Variants in FHL5 observed in about 807,000 individuals in gnomAD.
FHL5 encodes the protein four and a half LIM domains 5, also known as four and a half LIM domains protein 5.
Under a neutral mutation model 32.0 loss-of-function variants are expected in FHL5, and 33 were observed. The observed-to-expected ratio is 1.03, with a 90% CI of 0.78 to 1.38. The LOEUF (loss-of-function observed/expected upper bound fraction) is 1.38, where lower values mean the gene tolerates loss of function less well. Among genes scored for constraint, FHL5 ranks in the 40% most tolerant of loss-of-function variants. The probability of loss-of-function intolerance (pLI) is 0.00; values close to 1 mark genes in which losing one functional copy is unlikely to be tolerated. For synonymous variants in FHL5, 114 were observed against 113.6 expected (o/e 1.00, Z -0.02); for missense variants, 336 against 343.9 (o/e 0.98, Z 0.18).
chr6:96,578,850 AT>A (rs1382901485), intron 1 of FHL5, among the ~76,000 whole-genome samples: 2 of 152,178 alleles, frequency 1.3e-5, no homozygotes, highest in East Asian at 1.9e-4. Context: ...TCAAAAAAAA[AT>A]AAATAAATAA....
intron 5 of FHL5, among the ~76,000 whole-genome samples, chr6:96,613,124 A>C (rs1055660232): frequency 7.9e-5 from 12 of 152,182 alleles, no homozygotes; most frequent in African/African-American, 2.2e-4. Context: ...CACACACACA[A>C]AAAAGCATAT....
intron 1 of FHL5, among the ~76,000 whole-genome samples, chr6:96,570,751 C>CT (rs1770458431): frequency 1.3e-5 from 2 of 151,906 alleles, no homozygotes; most frequent in Admixed American, 6.6e-5. Flanking sequence ...TTCAGAGATT[C>CT]TTTTTTCTGC....
At chr6:96,569,533 C>T (rs926421879) in intron 1 of FHL5, among the ~76,000 whole-genome samples, 17 of 151,932 alleles carry the variant, frequency 1.1e-4, no homozygotes, top group Non-Finnish European at 2.4e-4. Context: ...GTGTTGAAGT[C>T]CCCAGCTATA....
intron 1 of FHL5, among the ~76,000 whole-genome samples, chr6:96,594,227 TTATATATATA>T (rs1178680000): frequency 0.016 from 1,046 of 66,816 alleles, 10 homozygotes; most frequent in Middle Eastern, 0.048. Flanking sequence ...ATATTAGAAT[TTATATATATA>T]TATATATATA....
At position 96,616,891 on chromosome 6, in the gene FHL5, T is replaced by C. The variant is rs1771532684; in HGVS notation, c.*1119T>C. ...AGCAGCACAATAGAGTAATGTGGGC[T>C]GTAGGCGAGCCCTCCCCACTCTTCC... On this transcript the variant is annotated 3_prime_UTR_variant, in exon 6 of 6. Coordinates refer to ENST00000450218, the MANE Select transcript of FHL5 (RefSeq NM_001322466.2). 6.7e-6 allele frequency among the ~76,000 whole-genome samples: 1 copy of C among 150,204 alleles called. No individual in the cohort carries two copies. The highest frequency in any genetic ancestry group is 2.5e-5 in the African/African-American group (1 of 40,314).
intron 1 of FHL5, among the ~76,000 whole-genome samples, chr6:96,579,365 A>AAATTT (rs2127962233): frequency 6.6e-6 from 1 of 152,298 alleles, no homozygotes; most frequent in South Asian, 2.1e-4. Flanking sequence ...TATATACAAC[A>AAATTT]AATTTAATAA....
At chr6:96,580,526 G>A (rs1385817355) in intron 1 of FHL5, among the ~76,000 whole-genome samples, 2 of 152,062 alleles carry the variant, frequency 1.3e-5, no homozygotes, top group South Asian at 2.1e-4. Flanking sequence ...AATTGAAAAA[G>A]GTTTAAGCCA....
chr6:96,571,835 A>G (rs2127959322), intron 1 of FHL5, among the ~76,000 whole-genome samples: 1 of 152,178 alleles, frequency 6.6e-6, no homozygotes, highest in South Asian at 2.1e-4. Context: ...ACTGGGTAGT[A>G]GTGATTGTAG....
At chr6:96,606,600 C>T (rs1771286771) in intron 4 of FHL5, among the ~76,000 whole-genome samples, 1 of 152,142 alleles carries the variant, frequency 6.6e-6, no homozygotes, top group Admixed American at 6.5e-5. Flanking sequence ...GATCCACCTG[C>T]CTTGGCCTTC....
At chr6:96,579,501 C>A (rs976509809) in intron 1 of FHL5, among the ~76,000 whole-genome samples, 1 of 152,026 alleles carries the variant, frequency 6.6e-6, no homozygotes, top group African/African-American at 2.4e-5. Context: ...TTAGATAGTA[C>A]AACAGATAGT....
intron 1 of FHL5, among the ~76,000 whole-genome samples, chr6:96,591,234 T>A (rs530904370): frequency 6.6e-6 from 1 of 152,276 alleles, no homozygotes; most frequent in African/African-American, 2.4e-5. Context: ...CCTTTTTAAT[T>A]ACAAATTCAA....
intron 1 of FHL5, among the ~76,000 whole-genome samples, chr6:96,583,435 G>C (rs1770733734): frequency 6.6e-6 from 1 of 152,008 alleles, no homozygotes. Context: ...GCCACTCATT[G>C]CACCAACATT....
intron 1 of FHL5, among the ~76,000 whole-genome samples, chr6:96,593,753 C>T (rs1770969984): frequency 6.6e-6 from 1 of 152,070 alleles, no homozygotes; most frequent in African/African-American, 2.4e-5. Context: ...ATACCAAGCT[C>T]ATCTACGCTT....
At chr6:96,607,406 TACAC>T (rs3839357) in intron 4 of FHL5, among the ~76,000 whole-genome samples, 28 of 149,054 alleles carry the variant, frequency 1.9e-4, no homozygotes, top group African/African-American at 4.0e-4. Flanking sequence ...CACATGCACA[TACAC>T]ACACACACAC....
At chr6:96,578,635 A>C (rs1770634682) in intron 1 of FHL5, among the ~76,000 whole-genome samples, 1 of 152,158 alleles carries the variant, frequency 6.6e-6, no homozygotes, top group African/African-American at 2.4e-5. Context: ...TGAGGTCAGG[A>C]GTTCGAGACT....
chr6:96,610,445 A>G (rs1771374200), intron 4 of FHL5, 127 bp from the exon 5 acceptor site: 3 of 711,036 alleles, frequency 4.2e-6, no homozygotes, highest in Admixed American at 2.3e-5. Context: ...AGAAGACATG[A>G]AATGATCTTT....
At chr6:96,583,040 C>T (rs1770726361) in intron 1 of FHL5, among the ~76,000 whole-genome samples, 2 of 152,102 alleles carry the variant, frequency 1.3e-5, no homozygotes, top group Non-Finnish European at 2.9e-5. Context: ...AGAAAAGTTA[C>T]ATGGCTTTCA....
At chr6:96,573,302 T>G (rs1392424025) in intron 1 of FHL5, among the ~76,000 whole-genome samples, 1 of 152,154 alleles carries the variant, frequency 6.6e-6, no homozygotes, top group Non-Finnish European at 1.5e-5. Context: ...TAGTATAGAA[T>G]TAAAATGCTT....
intron 1 of FHL5, among the ~76,000 whole-genome samples, chr6:96,574,233 C>A (rs1770541736): frequency 6.6e-6 from 1 of 152,078 alleles, no homozygotes; most frequent in Non-Finnish European, 1.5e-5. Flanking sequence ...CTTTTCAAAT[C>A]CTAATTAAAC....
Sources: allele counts gnomAD v4.1 joint callset (sites outside exome capture counted in the v4.1 genomes callset), GRCh38; gene constraint gnomAD v4.1.1; transcripts MANE v1.5; gene names NCBI Gene and HGNC (gene_info 2026-07-23, HGNC 2026-07-21).